The following CCNT1 variants were observed in gnomAD, a reference collection of about 807,000 sequenced individuals.
CCNT1 encodes the protein cyclin T1.
In CCNT1, 18 loss-of-function variants were observed where a neutral mutation model predicts 67.3. The ratio of observed to expected loss-of-function variants is 0.27; its 90% confidence interval spans 0.18 to 0.40. The LOEUF is 0.40. CCNT1 is among the 10% of genes least tolerant of loss of function. The pLI is 1.00. For synonymous variants in CCNT1, 333 were observed against 310.3 expected (o/e 1.07, Z -0.77); for missense variants, 744 against 884.9 (o/e 0.84, Z 2.02).
chr12:48,707,647 G>A (rs1412431737), intron 2 of CCNT1, among the ~76,000 whole-genome samples: 2 of 146,962 alleles, frequency 1.4e-5, no homozygotes, highest in Non-Finnish European at 2.9e-5. Flanking sequence ...TATGATAAAT[G>A]TATATAACTA....
At position 48,694,239 on chromosome 12, in the gene CCNT1, A is replaced by T. The variant is rs369135021; in HGVS notation, c.975T>A (p.Ser325Arg). ...AACGCTTGCCCGGCAACATCTCCAC[A>T]CTGGTTAAGTTGCTGGATGACTCTT... The part of the protein sequence containing the change: ...VSEESSSNLT[S>R]VEMLPGKRWL... Residue 325 changes from serine to arginine, a missense_variant, in exon 9 of 9, where the codon AGT (serine) becomes AGA (arginine). This residue lies in a region of CCNT1 where 564 missense variants were observed against 574.2 expected (regional missense o/e 0.98). Transcript: ENST00000261900. 1 of 1,614,202 alleles carries T rather than the reference A, an allele frequency of 6.2e-7. No individual in the cohort carries two copies. The highest frequency in any genetic ancestry group is 1.1e-5 in the South Asian group (1 of 91,086).
In CCNT1 at chr12:48,697,116, C is replaced by T. The variant is rs1264931261; in HGVS notation, c.543-954G>A. Among the ~76,000 whole-genome samples the T allele has an allele frequency of 3.3e-5, 5 of 152,200 alleles. No homozygotes were observed. The East Asian group carries it at 5.8e-4, about 18-fold the overall frequency. ...GGGATTACAGGTATGAGCCACTGTG[C>T]CCAGTCTCATTTACTTTTTTTAAAA... is the stretch of plus-strand genomic sequence containing the variant. On this transcript the variant is annotated intron_variant, in intron 6 of 8. Transcript: ENST00000261900.
intron 3 of CCNT1, among the ~76,000 whole-genome samples, chr12:48,701,728 T>A (rs1940272803): frequency 6.6e-6 from 1 of 151,518 alleles, no homozygotes; most frequent in Non-Finnish European, 1.5e-5. Flanking sequence ...TGCCTCAGCC[T>A]CCCGAGTAGC....
chr12:48,694,166 G>A lies in CCNT1; in HGVS notation c.1048C>T (p.Arg350Trp), dbSNP rs113480935. ...SFKLEPTQGH[R>W]TSENLALTGV... The stretch of plus-strand genomic sequence containing the variant: ...GTAAGTGCTAAATTCTCACTAGTCC[G>A]ATGACCCTGAGTAGGTTCTAGTTTG... The change falls in exon 9 of 9, where the codon CGG (arginine) becomes TGG (tryptophan). Residue 350 changes from arginine (R) to tryptophan (W), a missense_variant. Arg to Trp is a moderately radical substitution (Grantham distance 101, BLOSUM62 -3). This residue lies in a region of CCNT1 where 564 missense variants were observed against 574.2 expected (regional missense o/e 0.98). Coordinates refer to ENST00000261900, the MANE Select transcript of CCNT1 (RefSeq NM_001240.4). The A allele has an allele frequency of 1.1e-5, 17 of 1,614,208 alleles. No individual in the cohort carries two copies. Among genetic ancestry groups the A allele is most frequent in the Middle Eastern group, 1.6e-4 (1 of 6,062 alleles).
At chr12:48,713,970 C>T (rs567092670) in intron 2 of CCNT1, among the ~76,000 whole-genome samples, 50 of 152,280 alleles carry the variant, frequency 3.3e-4, no homozygotes, top group South Asian at 1.2e-3. Context: ...TCTTGGCTCA[C>T]TGCATCCTCA....
At position 48,699,775 on chromosome 12, in the gene CCNT1, T is replaced by G; in HGVS notation, c.496+3A>C. On this transcript the variant is annotated splice_donor_region_variant and intron_variant, in intron 5 of 8. Transcript: ENST00000261900. ...ATAGTCTTCATAAGCTGGGATTCCTTACCTCGAACAAGTTGAGTGCACTTT... is the reference window on the plus strand; with the variant it reads ...ATAGTCTTCATAAGCTGGGATTCCTGACCTCGAACAAGTTGAGTGCACTTT... 6.2e-7 allele frequency: 1 copy of G among 1,601,406 alleles called. No homozygotes were observed. Among genetic ancestry groups the G allele is most frequent in the Non-Finnish European group, 8.5e-7 (1 of 1,169,914 alleles).
chr12:48,707,963 C>G (rs61942058), intron 2 of CCNT1, among the ~76,000 whole-genome samples: 32,203 of 152,022 alleles, frequency 0.21, 4,727 homozygotes, highest in Non-Finnish European at 0.33. Flanking sequence ...GTAGGGTAGT[C>G]CCACCTACTC....
chr12:48,697,615 T>TC (rs1940193285), intron 6 of CCNT1, among the ~76,000 whole-genome samples: 1 of 146,110 alleles, frequency 6.8e-6, no homozygotes, highest in Non-Finnish European at 1.5e-5. Context: ...GGTCAGGAGA[T>TC]CGAGACCATC....
chr12:48,699,972 A>C (rs2137230507), intron 4 of CCNT1, 132 bp from the exon 5 acceptor site: 2 of 572,178 alleles, frequency 3.5e-6, no homozygotes, highest in East Asian at 6.0e-5. Flanking sequence ...AATTTATTCC[A>C]CCAGAAAAAC....
chr12:48,707,479 C>T (rs1349165381), intron 2 of CCNT1, among the ~76,000 whole-genome samples: 1 of 151,762 alleles, frequency 6.6e-6, no homozygotes, highest in Non-Finnish European at 1.5e-5. Flanking sequence ...GAGATGGGGT[C>T]TCCCTACATT....
intron 1 of CCNT1, 66 bp downstream of exon 1, chr12:48,716,449 T>C: frequency 6.8e-7 from 1 of 1,468,942 alleles, no homozygotes; most frequent in Non-Finnish European, 9.2e-7. Flanking sequence ...CCACAGAGCC[T>C]GAGACCCGGA....
rs767790293 is a variant in CCNT1, at chr12:48,694,370, T to C, written c.844A>G (p.Thr282Ala). 7 of 1,614,232 alleles carry C rather than the reference T, an allele frequency of 4.3e-6. No homozygotes were observed. In the South Asian group the frequency reaches 5.5e-5, roughly 13 times the overall value. Residue 282 changes from threonine to alanine, a missense_variant, in exon 9 of 9, where the codon ACA becomes GCA. Thr to Ala is a moderately conservative substitution (Grantham distance 58, BLOSUM62 0). Coordinates refer to ENST00000261900, the MANE Select transcript of CCNT1 (RefSeq NM_001240.4). ...RGTDEKTSEQ[T>A]ILNMISQSSS... ...CTCTGGGAAATCATATTGAGGATTGTCTGCTCTGAAGTCTTTTCATCTGTT... is the reference window on the plus strand; with the variant it reads ...CTCTGGGAAATCATATTGAGGATTGCCTGCTCTGAAGTCTTTTCATCTGTT...
intron 2 of CCNT1, among the ~76,000 whole-genome samples, chr12:48,710,343 T>G (rs1430995304): frequency 6.6e-6 from 1 of 152,226 alleles, no homozygotes; most frequent in Non-Finnish European, 1.5e-5. Flanking sequence ...TCATCACAGC[T>G]AAACTTAGAA....
chr12:48,699,929 C>A, intron 4 of CCNT1, 89 bp from the exon 5 acceptor site: 2 of 755,810 alleles, frequency 2.6e-6, no homozygotes, highest in South Asian at 1.8e-5. Context: ...GTAAATTACA[C>A]CTTACTGGTT....
In CCNT1 at chr12:48,693,943, T is replaced by C; in HGVS notation, c.1271A>G (p.Asn424Ser). 6.2e-7 allele frequency: 1 copy of C among 1,614,124 alleles called. No homozygotes were observed. Among genetic ancestry groups the C allele is most frequent in the Non-Finnish European group, 8.5e-7 (1 of 1,180,026 alleles). ...ATGGCTATCATGATGAGAAAGGAGA[T>C]TCTGGGCAGCATATGCATATTGTGA... Reference protein sequence around the residue: ...VKSQYAYAAQNLLSHHDSHSS... With the variant: ...VKSQYAYAAQSLLSHHDSHSS... The change falls in exon 9 of 9, where the codon AAT (asparagine) becomes AGT (serine). Residue 424 changes from asparagine (N) to serine (S), a missense_variant. Transcript: ENST00000261900.
chr12:48,699,794 G>A lies in CCNT1; in HGVS notation c.480C>T (p.Cys160=). The part of the protein sequence containing the change: ...IDHPHTHVVK[C]TQLVRASKDL... ...ATTCCTTACCTCGAACAAGTTGAGTGCACTTTACTACATGAGTATGTGGGT... is the reference window on the plus strand; with the variant it reads ...ATTCCTTACCTCGAACAAGTTGAGTACACTTTACTACATGAGTATGTGGGT... The change falls in exon 5 of 9, where the codon TGC becomes TGT. Residue 160 remains cysteine, a synonymous_variant. Transcript: ENST00000261900. The A allele has an allele frequency of 6.2e-7, 1 of 1,608,638 alleles. No individual in the cohort carries two copies. Among genetic ancestry groups the A allele is most frequent in the African/African-American group, 1.3e-5 (1 of 74,866 alleles).
rs770720849 is a variant in CCNT1, at chr12:48,692,809, C to T, written c.*224G>A. The T allele has an allele frequency of 5.4e-5, 24 of 446,862 alleles. No individual in the cohort carries two copies. The highest frequency in any genetic ancestry group is 8.8e-5 in the Non-Finnish European group (22 of 250,610). The allele number at this position is 446,862 out of a possible 1,614,324, so 27.7% of individuals were successfully genotyped here. On this transcript the variant is annotated 3_prime_UTR_variant, in exon 9 of 9. Coordinates refer to ENST00000261900, the MANE Select transcript of CCNT1 (RefSeq NM_001240.4). ...TGTCCTTAATCCTTCACAGCTTCAA[C>T]ACCTCTCTAATACCAGTAAAAACTG...
At chr12:48,697,859 T>G (rs200931277) in intron 6 of CCNT1, 38,544 of 131,668 alleles carry the variant, frequency 0.29, 6,212 homozygotes, top group East Asian at 0.73. Context: ...AAAAAAAATA[T>G]ATATATATAT....
intron 2 of CCNT1, among the ~76,000 whole-genome samples, chr12:48,713,026 C>T (rs1394855897): frequency 6.6e-6 from 1 of 151,866 alleles, no homozygotes; most frequent in Non-Finnish European, 1.5e-5. Context: ...ACAGTCCTTC[C>T]TAGAACTGGG....
Sources: allele counts gnomAD v4.1 joint callset (sites outside exome capture counted in the v4.1 genomes callset), GRCh38; gene constraint gnomAD v4.1.1; regional missense constraint gnomAD v4.1.1; transcripts MANE v1.5; gene names NCBI Gene and HGNC (gene_info 2026-07-23, HGNC 2026-07-21).